LHFPL2: variants seen among roughly 807,000 people sequenced by gnomAD.
The protein encoded by LHFPL2 is LHFPL tetraspan subfamily member 2.
A neutral mutation model predicts 17.5 loss-of-function variants in LHFPL2; 7 were observed. The ratio of observed to expected loss-of-function variants is 0.40; its 90% CI spans 0.23 to 0.75. The LOEUF (loss-of-function observed/expected upper bound fraction) is 0.75, where lower values mean the gene tolerates loss of function less well. Among genes scored for constraint, LHFPL2 ranks in the 30% least tolerant of loss-of-function variants. LHFPL2 has a pLI of 0.37. For synonymous variants in LHFPL2, 134 were observed against 116.2 expected (o/e 1.15, Z -0.99); for missense variants, 241 against 294.8 (o/e 0.82, Z 1.34).
At chr5:78,561,834 AGTG>A (rs1756736571) in intron 3 of LHFPL2, among the ~76,000 whole-genome samples, 1 of 152,198 alleles carries the variant, frequency 6.6e-6, no homozygotes, top group African/African-American at 2.4e-5. Flanking sequence ...CCTAATTATA[AGTG>A]GTTAGAGCAG....
At chr5:78,590,430 T>C (rs958898780) in intron 2 of LHFPL2, among the ~76,000 whole-genome samples, 2 of 152,198 alleles carry the variant, frequency 1.3e-5, no homozygotes, top group Admixed American at 6.5e-5. Context: ...TTTTTCCTTC[T>C]GATTTCACAT....
chr5:78,518,040 A>G (rs1443627864), intron 3 of LHFPL2, among the ~76,000 whole-genome samples: 1 of 152,254 alleles, frequency 6.6e-6, no homozygotes, highest in Non-Finnish European at 1.5e-5. Context: ...CCCAGATGCC[A>G]TAAGCCGGGG....
Position 78,607,261 on chromosome 5 carries a change from C to T in LHFPL2, c.-245+25003G>A, listed in dbSNP as rs534784540. Among the ~76,000 whole-genome samples, 322 of 151,798 alleles carry T rather than the reference C, an allele frequency of 2.1e-3. 1 individual carries two copies. The highest frequency in any genetic ancestry group is 7.3e-3 in the African/African-American group (303 of 41,366). On this transcript the variant is annotated intron_variant, in intron 2 of 4. Transcript: ENST00000380345. ...CCAAGTAGCTGGGATTACAGGCACC[C>T]GCCACCACCTCCGGCTAATTTTTGT... is the stretch of plus-strand genomic sequence containing the variant.
intron 3 of LHFPL2, among the ~76,000 whole-genome samples, chr5:78,516,694 T>C (rs1003548288): frequency 1.3e-5 from 2 of 152,138 alleles, no homozygotes; most frequent in Non-Finnish European, 2.9e-5. Context: ...ATTAAATATA[T>C]TTTTAGTTGT....
At chr5:78,507,941 TACAC>T (rs10562386) in intron 4 of LHFPL2, among the ~76,000 whole-genome samples, 39,793 of 148,016 alleles carry the variant, frequency 0.27, 5,384 homozygotes, top group East Asian at 0.44. Context: ...TACACATGCA[TACAC>T]ACACACACAC....
chr5:78,624,294 T>C (rs113612447), intron 2 of LHFPL2, among the ~76,000 whole-genome samples: 20 of 151,652 alleles, frequency 1.3e-4, no homozygotes, highest in African/African-American at 4.4e-4. Context: ...ATGAGAAGGG[T>C]TGTATAAAGC....
chr5:78,628,840 T>C (rs1455420455), intron 2 of LHFPL2, among the ~76,000 whole-genome samples: 4 of 152,188 alleles, frequency 2.6e-5, no homozygotes, highest in Non-Finnish European at 4.4e-5. Context: ...AGTAAGTAGA[T>C]GAAATGCAGG....
At chr5:78,506,441 C>T (rs960811924) in intron 4 of LHFPL2, among the ~76,000 whole-genome samples, 2 of 152,158 alleles carry the variant, frequency 1.3e-5, no homozygotes, top group African/African-American at 4.8e-5. Flanking sequence ...TTGAAGAGAT[C>T]CAGGGCTGAG....
In LHFPL2 at chr5:78,487,308, C is replaced by CA. The variant is rs1754281508; in HGVS notation, c.*1588dup. ...GCACCAAGATACGGTGCTTTAGACT[C>CA]AGACAGCTTTAACATGATTCACTCA... On this transcript the variant is annotated 3_prime_UTR_variant, in exon 5 of 5. Coordinates refer to ENST00000380345, the MANE Select transcript of LHFPL2 (RefSeq NM_005779.3). The CA allele has an allele frequency of 1.3e-5, 2 of 152,182 alleles. No individual in the cohort carries two copies. Among genetic ancestry groups the CA allele is most frequent in the African/African-American group, 2.4e-5 (1 of 41,436 alleles). The allele number at this position is 152,182 out of a possible 1,614,324, so 9.4% of individuals were successfully genotyped here.
intron 3 of LHFPL2, among the ~76,000 whole-genome samples, chr5:78,551,161 G>A (rs1756430237): frequency 6.6e-6 from 1 of 152,042 alleles, no homozygotes; most frequent in Non-Finnish European, 1.5e-5. Context: ...TTCAAAGGAT[G>A]GAATAAAAGT....
chr5:78,555,181 G>A (rs193142988), intron 3 of LHFPL2, among the ~76,000 whole-genome samples: 1 of 152,326 alleles, frequency 6.6e-6, no homozygotes, highest in East Asian at 1.9e-4. Context: ...TAACTAGAAA[G>A]TATTGTCCAG....
At chr5:78,489,267 A>T in intron 4 of LHFPL2, 114 bp from the exon 5 acceptor site, 2 of 1,175,480 alleles carry the variant, frequency 1.7e-6, no homozygotes, top group South Asian at 1.4e-5. Context: ...CTATTCTGCA[A>T]TAGAAAGTGT....
At chr5:78,647,440 C>T (rs1164577966) in intron 1 of LHFPL2, among the ~76,000 whole-genome samples, 1 of 152,198 alleles carries the variant, frequency 6.6e-6, no homozygotes, top group Non-Finnish European at 1.5e-5. Context: ...CGGTTTACCT[C>T]TCTGGGGTGA....
intron 2 of LHFPL2, among the ~76,000 whole-genome samples, chr5:78,592,631 CA>C (rs1457106801): frequency 1.9e-4 from 14 of 73,940 alleles, no homozygotes; most frequent in African/African-American, 5.8e-4. Flanking sequence ...TACACACACA[CA>C]CACACACATT....
At chr5:78,499,277 A>G (rs1375696741) in intron 4 of LHFPL2, among the ~76,000 whole-genome samples, 1 of 152,252 alleles carries the variant, frequency 6.6e-6, no homozygotes, top group Non-Finnish European at 1.5e-5. Context: ...AATCATGAAG[A>G]TAACTTACAC....
intron 4 of LHFPL2, among the ~76,000 whole-genome samples, chr5:78,502,571 A>T (rs553524943): frequency 6.6e-6 from 1 of 152,258 alleles, no homozygotes; most frequent in African/African-American, 2.4e-5. Flanking sequence ...TAAGTTATTC[A>T]TCAGACAGGC....
intron 4 of LHFPL2, among the ~76,000 whole-genome samples, chr5:78,494,832 C>G (rs576635153): frequency 1.3e-5 from 2 of 152,172 alleles, no homozygotes; most frequent in African/African-American, 4.8e-5. Flanking sequence ...AATAATCAGA[C>G]TGGGCTCCGT....
In LHFPL2 at chr5:78,585,531, C is replaced by T. The variant is rs537108743; in HGVS notation, c.-244-20660G>A. Among the ~76,000 whole-genome samples, 298 of 152,238 alleles carry T rather than the reference C, an allele frequency of 2.0e-3. 2 individuals are homozygous for T. Among genetic ancestry groups the T allele is most frequent in the African/African-American group, 6.6e-3 (275 of 41,560 alleles). The stretch of plus-strand genomic sequence containing the variant: ...CTGGCACTCCCTAGTGAGATGAACC[C>T]GGTACCTCAGATGGAAATGCAGAAA... On this transcript the variant is annotated intron_variant, in intron 2 of 4. Transcript: ENST00000380345.
chr5:78,644,126 T>TA, intron 1 of LHFPL2: 1 of 494,918 alleles, frequency 2.0e-6, no homozygotes, highest in South Asian at 2.3e-5. Flanking sequence ...GGTAGTGTGT[T>TA]AACTATACAA....
Sources: allele counts gnomAD v4.1 joint callset (sites outside exome capture counted in the v4.1 genomes callset), GRCh38; gene constraint gnomAD v4.1.1; transcripts MANE v1.5; gene names NCBI Gene and HGNC (gene_info 2026-07-23, HGNC 2026-07-21).